The following PRR14L variants were observed in gnomAD, a reference collection of about 807,000 sequenced individuals.
The protein encoded by PRR14L is protein PRR14L.
Under a neutral mutation model 155.0 loss-of-function variants are expected in PRR14L, and 80 were observed. That is an observed-to-expected ratio of 0.52 (90% confidence interval 0.43 to 0.62). The LOEUF is 0.62. PRR14L is among the 20% of genes least tolerant of loss of function. The pLI is 0.00. For synonymous variants in PRR14L, 883 were observed against 916.0 expected (o/e 0.96, Z 0.65); for missense variants, 2,469 against 2,548.0 (o/e 0.97, Z 0.67).
chr22:31,702,357 G>A (rs1401559681), intron 6 of PRR14L, among the ~76,000 whole-genome samples: 3 of 152,148 alleles, frequency 2.0e-5, no homozygotes, highest in Admixed American at 2.0e-4. Context: ...TGAGTAGCTG[G>A]AATTACAGGC....
At chr22:31,745,404 A>G (rs1053152049) in intron 1 of PRR14L, among the ~76,000 whole-genome samples, 1 of 151,976 alleles carries the variant, frequency 6.6e-6, no homozygotes, top group Admixed American at 6.6e-5. Context: ...AAATAAAAAT[A>G]AACTTATTTT....
Position 31,717,195 on chromosome 22 carries a change from T to C in PRR14L, c.644A>G (p.His215Arg). The C allele has an allele frequency of 6.4e-7, 1 of 1,552,234 alleles. No homozygotes were observed. Among genetic ancestry groups the C allele is most frequent in the Non-Finnish European group, 8.7e-7 (1 of 1,147,108 alleles). ...NGTKTDNNEGHKNGNVSKDLS... is the reference protein window; with the variant it reads ...NGTKTDNNEGRKNGNVSKDLS... ...ATCTTTACTCACATTGCCATTTTTGTGTCCTTCATTATTATCCGTCTTAGT... is the reference window on the plus strand; with the variant it reads ...ATCTTTACTCACATTGCCATTTTTGCGTCCTTCATTATTATCCGTCTTAGT... The change falls in exon 4 of 9, where the codon CAC becomes CGC. Residue 215 changes from histidine to arginine, a missense_variant. His to Arg is a conservative substitution (Grantham distance 29). Coordinates refer to ENST00000327423, the MANE Select transcript of PRR14L (RefSeq NM_173566.3).
At chr22:31,730,686 A>C (rs751726282) in intron 2 of PRR14L, among the ~76,000 whole-genome samples, 28 of 152,290 alleles carry the variant, frequency 1.8e-4, no homozygotes, top group Admixed American at 4.6e-4. Context: ...CTATGTAAAT[A>C]TTTGTTTCCC....
intron 3 of PRR14L, among the ~76,000 whole-genome samples, chr22:31,724,823 CA>C (rs1272310621): frequency 6.6e-6 from 1 of 152,158 alleles, no homozygotes; most frequent in African/African-American, 2.4e-5. Context: ...GCTTCCTCCT[CA>C]ATCAGTCAAC....
Position 31,717,343 on chromosome 22 carries a change from G to A in PRR14L, c.548-52C>T. 2.9e-6 allele frequency: 4 copies of A among 1,383,032 alleles called. No homozygotes were observed. In the South Asian group the frequency reaches 5.7e-5, roughly 20 times the overall value. 85.7% of individuals were successfully genotyped at this position (1,383,032 alleles called of 1,614,324 possible). On this transcript the variant is annotated intron_variant, in intron 3 of 8. Transcript: ENST00000327423. Reference sequence around the variant, plus strand: ...AATATGCAGTAATAAAAAATCACTTGGTCTACCTTCATGCATTTTATTATG... The same window carrying A: ...AATATGCAGTAATAAAAAATCACTTAGTCTACCTTCATGCATTTTATTATG...
intron 2 of PRR14L, among the ~76,000 whole-genome samples, chr22:31,734,598 C>T (rs1466873859): frequency 3.3e-5 from 5 of 152,218 alleles, no homozygotes; most frequent in Admixed American, 2.0e-4. Context: ...ACATCTTCCA[C>T]TGGCCTAACT....
rs1176665081 is a variant in PRR14L at position 31,681,485 on chromosome 22, C to A, written c.*4042G>T. 6.6e-6 allele frequency: 1 copy of A among 152,168 alleles called. No individual in the cohort carries two copies. The highest frequency in any genetic ancestry group is 1.9e-4 in the East Asian group (1 of 5,202). 9.4% of individuals were successfully genotyped at this position (152,168 alleles called of 1,614,324 possible). ...AATGTTACCAAAAATGTACAAATTT[C>A]ATTGAACTACTGACCATGATAATAT... On this transcript the variant is annotated 3_prime_UTR_variant, in exon 9 of 9. Transcript: ENST00000327423.
In PRR14L at chr22:31,713,939, T is replaced by C. The variant is rs2074638748; in HGVS notation, c.3900A>G (p.Val1300=). ...AAGCATTCTTTTCCACACAGGTACA[T>C]ACGCTGTCTCTGTCACTAGAATTAC... The part of the protein sequence containing the change: ...DWSNSSDRDS[V]CTCVEKNACK... Residue 1300 remains valine (V), a synonymous_variant, in exon 4 of 9, where the codon GTA becomes GTG. Transcript: ENST00000327423. 1.3e-6 allele frequency: 2 copies of C among 1,551,742 alleles called. No individual in the cohort carries two copies. The highest frequency in any genetic ancestry group is 1.7e-6 in the Non-Finnish European group (2 of 1,146,924).
chr22:31,726,766 G>A (rs1017348540), intron 2 of PRR14L, among the ~76,000 whole-genome samples: 4 of 152,102 alleles, frequency 2.6e-5, no homozygotes, highest in East Asian at 1.9e-4. Flanking sequence ...TAACTACATG[G>A]TGCTGACAGC....
In PRR14L at chr22:31,690,269, G is replaced by A. The variant is rs145958630; in HGVS notation, c.6108-2042C>T. 4.9e-3 allele frequency among the ~76,000 whole-genome samples: 742 copies of A among 151,832 alleles called. 5 individuals are homozygous for A. The highest frequency in any genetic ancestry group is 0.017 in the African/African-American group (705 of 41,420). ...TTATCACGTTGGCCAAGATGGTCTC[G>A]AACTCCTGACCTCAGGTGATCCACC... is the stretch of plus-strand genomic sequence containing the variant. On this transcript the variant is annotated intron_variant, in intron 7 of 8. Transcript: ENST00000327423.
chr22:31,737,171 T>A (rs972088510), intron 2 of PRR14L, among the ~76,000 whole-genome samples: 1 of 151,588 alleles, frequency 6.6e-6, no homozygotes, highest in African/African-American at 2.4e-5. Flanking sequence ...GCTGGACAGG[T>A]ACATTCCTTT....
chr22:31,718,910 C>T (rs1460185938), intron 3 of PRR14L, among the ~76,000 whole-genome samples: 1 of 151,518 alleles, frequency 6.6e-6, no homozygotes, highest in Non-Finnish European at 1.5e-5. Context: ...CCCATCTCTA[C>T]CGAAAATACA....
intron 1 of PRR14L, among the ~76,000 whole-genome samples, chr22:31,740,787 A>C (rs2074808519): frequency 6.6e-6 from 1 of 152,220 alleles, no homozygotes; most frequent in Non-Finnish European, 1.5e-5. Context: ...AAGTGATAAG[A>C]AATTAGATTG....
At chr22:31,686,299 AG>A (rs1222960143) in intron 8 of PRR14L, among the ~76,000 whole-genome samples, 1 of 147,966 alleles carries the variant, frequency 6.8e-6, no homozygotes, top group African/African-American at 2.5e-5. Context: ...TAGTAGAGAC[AG>A]GGTTTCACTC....
At chr22:31,728,197 G>A (rs978005726) in intron 2 of PRR14L, among the ~76,000 whole-genome samples, 3 of 152,054 alleles carry the variant, frequency 2.0e-5, no homozygotes, top group Admixed American at 6.6e-5. Context: ...CCTCTGTAAC[G>A]TCCCCCACCT....
At chr22:31,704,049 G>A (rs993930021) in intron 5 of PRR14L, among the ~76,000 whole-genome samples, 11 of 151,612 alleles carry the variant, frequency 7.3e-5, no homozygotes, top group Non-Finnish European at 1.3e-4. Flanking sequence ...CACCCGCACC[G>A]GCCTCCCAAA....
At chr22:31,737,130 G>A (rs1449169093) in intron 2 of PRR14L, among the ~76,000 whole-genome samples, 1 of 151,784 alleles carries the variant, frequency 6.6e-6, no homozygotes, top group Admixed American at 6.6e-5. Flanking sequence ...GCTGACCCCT[G>A]GGTTAGAAAA....
Position 31,723,641 on chromosome 22 carries a change from C to T in PRR14L, c.547+1897G>A, listed in dbSNP as rs200070900. 5.0e-4 allele frequency among the ~76,000 whole-genome samples: 76 copies of T among 151,998 alleles called. No homozygotes were observed. The Middle Eastern group carries it at 0.014, about 27-fold the overall frequency. The stretch of plus-strand genomic sequence containing the variant: ...GATTTATGTACAAAACACCATTTCT[C>T]ATCTTCGGAGGAATGTCCTTTAATC... On this transcript the variant is annotated intron_variant, in intron 3 of 8. Transcript: ENST00000327423.
At chr22:31,745,061 T>C (rs138317175) in intron 1 of PRR14L, among the ~76,000 whole-genome samples, 2 of 152,264 alleles carry the variant, frequency 1.3e-5, no homozygotes, top group African/African-American at 4.8e-5. Context: ...GGTGAGGTGA[T>C]ATTAAATGCA....
Sources: gnomAD v4.1 joint callset for allele counts (sites outside exome capture counted in the v4.1 genomes callset) on GRCh38, gnomAD v4.1.1 for gene constraint, MANE v1.5 for transcripts, NCBI Gene and HGNC (gene_info 2026-07-23, HGNC 2026-07-21) for gene names.